Variants in CTNND2 observed in about 807,000 individuals in gnomAD.
CTNND2 encodes catenin delta 2.
In CTNND2, 22 loss-of-function variants were observed where a neutral mutation model predicts 144.4. The observed-to-expected ratio is 0.15, with a 90% CI of 0.11 to 0.22. The LOEUF (loss-of-function observed/expected upper bound fraction) is 0.22. Among genes scored for constraint, CTNND2 ranks in the 10% least tolerant of loss-of-function variants. The pLI is 1.00. For synonymous variants in CTNND2, 751 were observed against 695.6 expected, an observed-to-expected ratio of 1.08 and a Z score of -1.25; for missense variants, 1,353 against 1,618.8, an observed-to-expected ratio of 0.84 and a Z score of 2.82.
intron 11 of CTNND2, among the ~76,000 whole-genome samples, chr5:11,182,117 G>T (rs1202882771): frequency 4.0e-5 from 5 of 123,758 alleles, no homozygotes; most frequent in African/African-American, 1.4e-4. Flanking sequence ...TGTGTGTGTG[G>T]TGTGTGTGTG....
intron 1 of CTNND2, among the ~76,000 whole-genome samples, chr5:11,810,014 C>T (rs568824469): frequency 9.9e-4 from 151 of 152,236 alleles, no homozygotes; most frequent in African/African-American, 3.5e-3. Context: ...CTGACAATAC[C>T]TTACTTTTTA....
chr5:11,280,254 C>A (rs1307335355), intron 9 of CTNND2, among the ~76,000 whole-genome samples: 1 of 152,072 alleles, frequency 6.6e-6, no homozygotes, highest in Admixed American at 6.6e-5. Flanking sequence ...TTAATACCAA[C>A]CTACTAAAAG....
chr5:11,213,502 C>T (rs1490462929), intron 10 of CTNND2, among the ~76,000 whole-genome samples: 1 of 152,126 alleles, frequency 6.6e-6, no homozygotes, highest in Non-Finnish European at 1.5e-5. Context: ...TGCTGCTCAG[C>T]TGATTAAATA....
At chr5:11,720,076 C>A (rs1371328267) in intron 2 of CTNND2, among the ~76,000 whole-genome samples, 1 of 152,146 alleles carries the variant, frequency 6.6e-6, no homozygotes, top group East Asian at 1.9e-4. Context: ...CTCTGTGCTG[C>A]CACCCACTGG....
intron 15 of CTNND2, among the ~76,000 whole-genome samples, chr5:11,089,052 T>C (rs1750477444): frequency 1.3e-5 from 2 of 152,206 alleles, no homozygotes; most frequent in African/African-American, 2.4e-5. Context: ...TGTTTTTGCT[T>C]CCTGCTGGTG....
chr5:11,638,593 C>T (rs1781831883), intron 2 of CTNND2, among the ~76,000 whole-genome samples: 1 of 152,096 alleles, frequency 6.6e-6, no homozygotes, highest in Non-Finnish European at 1.5e-5. Flanking sequence ...TGGACTCCCA[C>T]CCACTACTCT....
chr5:11,222,796 C>A (rs1272086898), intron 10 of CTNND2, among the ~76,000 whole-genome samples: 1 of 152,038 alleles, frequency 6.6e-6, no homozygotes, highest in East Asian at 1.9e-4. Context: ...ATAGTGAGAC[C>A]CTGTCTCAAA....
At chr5:11,568,011 C>G (rs1777258404) in intron 2 of CTNND2, among the ~76,000 whole-genome samples, 2 of 152,148 alleles carry the variant, frequency 1.3e-5, no homozygotes, top group Admixed American at 1.3e-4. Context: ...GGGAGCAGAA[C>G]AGCATGTAGT....
intron 3 of CTNND2, among the ~76,000 whole-genome samples, chr5:11,498,062 C>T (rs1355204665): frequency 6.6e-6 from 1 of 152,178 alleles, no homozygotes; most frequent in African/African-American, 2.4e-5. Flanking sequence ...CAGGACTCCC[C>T]AGCCAAGAAC....
At chr5:11,148,440 G>A (rs555953047) in intron 12 of CTNND2, among the ~76,000 whole-genome samples, 4 of 152,332 alleles carry the variant, frequency 2.6e-5, no homozygotes, top group South Asian at 2.1e-4. Context: ...GGAAGGGCTC[G>A]TTTCTGCTGC....
At chr5:11,187,707 C>G (rs1358443416) in intron 11 of CTNND2, among the ~76,000 whole-genome samples, 1 of 152,122 alleles carries the variant, frequency 6.6e-6, no homozygotes, top group Non-Finnish European at 1.5e-5. Flanking sequence ...GTCTATCTAT[C>G]TGCAAAGGTC....
chr5:11,268,911 G>A (rs1229924685), intron 9 of CTNND2, among the ~76,000 whole-genome samples: 1 of 152,184 alleles, frequency 6.6e-6, no homozygotes, highest in Admixed American at 6.5e-5. Flanking sequence ...GTTTTCAGTA[G>A]GATTCTCATA....
In CTNND2 at chr5:11,091,872, C is replaced by T. The variant is rs144473748; in HGVS notation, c.2637+6703G>A. 4.5e-4 allele frequency among the ~76,000 whole-genome samples: 69 copies of T among 152,318 alleles called. 2 individuals carry two copies. The East Asian group carries it at 0.011, about 24-fold the overall frequency. On this transcript the variant is annotated intron_variant, in intron 15 of 21. Coordinates refer to ENST00000304623, the MANE Select transcript of CTNND2 (RefSeq NM_001332.4). ...CCCAGCCTTGGGTATTTGCCTCAGACACATGTGCTGAGAGTTCTCTGTTGA... is the reference window on the plus strand; with the variant it reads ...CCCAGCCTTGGGTATTTGCCTCAGATACATGTGCTGAGAGTTCTCTGTTGA...
intron 2 of CTNND2, among the ~76,000 whole-genome samples, chr5:11,730,176 C>T (rs1346446537): frequency 1.3e-5 from 2 of 152,138 alleles, no homozygotes; most frequent in South Asian, 2.1e-4. Context: ...TGAAACTCAT[C>T]GACCACTTAT....
intron 15 of CTNND2, among the ~76,000 whole-genome samples, chr5:11,088,704 C>T (rs1750437303): frequency 6.6e-6 from 1 of 152,142 alleles, no homozygotes; most frequent in Non-Finnish European, 1.5e-5. Context: ...TTCAGTCTTG[C>T]AACTATAAGG....
At chr5:11,556,461 C>G (rs1776248011) in intron 3 of CTNND2, among the ~76,000 whole-genome samples, 2 of 152,136 alleles carry the variant, frequency 1.3e-5, no homozygotes, top group African/African-American at 4.8e-5. Context: ...ATTTATCATG[C>G]TTTTGAAGAA....
At chr5:11,802,383 CAGGG>C (rs1791741339) in intron 1 of CTNND2, among the ~76,000 whole-genome samples, 3 of 151,018 alleles carry the variant, frequency 2.0e-5, no homozygotes, top group African/African-American at 7.3e-5. Flanking sequence ...GCCTGACCAA[CAGGG>C]AGAAACCCCG....
chr5:11,531,664 A>G (rs1773758063), intron 3 of CTNND2, among the ~76,000 whole-genome samples: 1 of 152,160 alleles, frequency 6.6e-6, no homozygotes, highest in South Asian at 2.1e-4. Flanking sequence ...AGCCACTGCC[A>G]TGGCGGATTG....
chr5:11,283,749 G>T (rs1465226925), intron 9 of CTNND2, among the ~76,000 whole-genome samples: 1 of 120,402 alleles, frequency 8.3e-6, no homozygotes, highest in African/African-American at 3.2e-5. Flanking sequence ...TCAAAATGAA[G>T]AAGCTAATTT....
Sources: allele counts gnomAD v4.1 joint callset (sites outside exome capture counted in the v4.1 genomes callset), GRCh38; gene constraint gnomAD v4.1.1; transcripts MANE v1.5; gene names NCBI Gene and HGNC (gene_info 2026-07-23, HGNC 2026-07-21).